Variants in C13orf46 observed in about 807,000 individuals in gnomAD.
C13orf46 encodes the protein uncharacterized protein C13orf46.
At position 113,965,845 on chromosome 13, in the gene C13orf46, ATGG is replaced by A. The variant is rs1349712387; in HGVS notation, c.505-854_505-852del. Among the ~76,000 whole-genome samples the A allele has an allele frequency of 6.2e-4, 76 of 122,154 alleles. 1 individual carries two copies. The highest frequency in any genetic ancestry group is 8.0e-4 in the Non-Finnish European group (45 of 56,394). The allele number at this position is 122,154 out of a possible 152,430, so 80.1% of individuals were successfully genotyped here. A position where few individuals can be genotyped will look rare whatever the true frequency, so the allele number is the denominator to read the frequency against. Reference sequence around the variant, plus strand: ...GATGGTGATAATGGTGATGGTGATGATGGTGATGGTGGTGATGATGGTGATGGT... The same window carrying A: ...GATGGTGATAATGGTGATGGTGATGATGATGGTGGTGATGATGGTGATGGT... On this transcript the variant is annotated intron_variant, in intron 5 of 6. Transcript: ENST00000636427.
chr13:113,946,428 GCACACAGGAATGCCAGC>G, the C13orf46 span, among the ~76,000 whole-genome samples: 1 of 152,216 alleles, frequency 6.6e-6, no homozygotes, highest in Non-Finnish European at 1.5e-5. Flanking sequence ...TCTGCACGCG[GCACACAGGAATGCCAGC>G]CACACACACA....
chr13:113,947,666 C>T, the C13orf46 span, among the ~76,000 whole-genome samples: 1,021 of 152,286 alleles, frequency 6.7e-3, 11 homozygotes, highest in African/African-American at 0.023. Flanking sequence ...TCTGCGGCCC[C>T]GGGTGTCCAT....
chr13:113,944,487 C>T, the C13orf46 span, among the ~76,000 whole-genome samples: 575 of 152,312 alleles, frequency 3.8e-3, 3 homozygotes, highest in Non-Finnish European at 6.2e-3. Context: ...GTTCCCCTTG[C>T]GGCCCTGTAG....
At chr13:113,973,281 G>A (rs10870598) in intron 1 of C13orf46, among the ~76,000 whole-genome samples, 45,623 of 152,100 alleles carry the variant, frequency 0.3, 7,716 homozygotes, top group East Asian at 0.45. Flanking sequence ...GGGAATGCAC[G>A]TGGACAGCTG....
chr13:113,948,808 G>A (rs2052479119), downstream of C13orf46, among the ~76,000 whole-genome samples: 1 of 152,356 alleles, frequency 6.6e-6, no homozygotes, highest in South Asian at 2.1e-4. Context: ...GATTTGTATT[G>A]TGGTATAATA....
At chr13:113,969,900 C>T (rs1474943503) in intron 2 of C13orf46, among the ~76,000 whole-genome samples, 1 of 152,266 alleles carries the variant, frequency 6.6e-6, no homozygotes, top group African/African-American at 2.4e-5. Context: ...AGCTGTGTGA[C>T]CCTCAGGCCA....
intron 6 of C13orf46, among the ~76,000 whole-genome samples, chr13:113,957,283 C>T (rs1229516319): frequency 7.4e-6 from 1 of 135,254 alleles, no homozygotes; most frequent in Non-Finnish European, 1.5e-5. Flanking sequence ...ATCAAGCACA[C>T]TGGGGGGTCT....
At chr13:113,945,540 A>G in the C13orf46 span, among the ~76,000 whole-genome samples, 1 of 44,296 alleles carries the variant, frequency 2.3e-5, no homozygotes, top group Non-Finnish European at 5.5e-5. Flanking sequence ...CGAGAATCTG[A>G]GAAAGAAAGA....
At chr13:113,949,034 C>G (rs2052479657), downstream of C13orf46, among the ~76,000 whole-genome samples, 1 of 152,214 alleles carries the variant, frequency 6.6e-6, no homozygotes, top group Non-Finnish European at 1.5e-5. Flanking sequence ...TCCAGCCCCC[C>G]TCACCGCCCC....
At chr13:113,933,720 C>T in the C13orf46 span, among the ~76,000 whole-genome samples, 1 of 152,096 alleles carries the variant, frequency 6.6e-6, no homozygotes, top group African/African-American at 2.4e-5. Flanking sequence ...TTTCTAAGTC[C>T]TCAGTAATTT....
intron 6 of C13orf46, among the ~76,000 whole-genome samples, chr13:113,962,913 G>A (rs1445815416): frequency 1.3e-5 from 2 of 152,218 alleles, no homozygotes; most frequent in Admixed American, 1.3e-4. Context: ...GTGAAAGCTG[G>A]TGTGACCTGG....
downstream of C13orf46, among the ~76,000 whole-genome samples, chr13:113,951,514 C>T (rs1361380946): frequency 4.6e-5 from 7 of 152,204 alleles, no homozygotes; most frequent in South Asian, 4.1e-4. Context: ...GGGGAGATCC[C>T]GGCCGGGTTT....
intron 5 of C13orf46, among the ~76,000 whole-genome samples, chr13:113,966,540 A>C (rs2052650900): frequency 1.4e-5 from 2 of 142,778 alleles, no homozygotes; most frequent in Non-Finnish European, 3.1e-5. Context: ...TGATGGTAAT[A>C]ATGGTGATGG....
downstream of C13orf46, among the ~76,000 whole-genome samples, chr13:113,950,103 C>A (rs1257137261): frequency 4.7e-5 from 4 of 85,966 alleles, no homozygotes; most frequent in Non-Finnish European, 7.6e-5. Context: ...GGGGTCATCA[C>A]CCCCTGCCTC....
chr13:113,946,796 C>T, the C13orf46 span, among the ~76,000 whole-genome samples: 3 of 152,246 alleles, frequency 2.0e-5, no homozygotes, highest in Admixed American at 6.5e-5. Flanking sequence ...GCTCGCTGGC[C>T]GAGGAGGAAA....
the C13orf46 span, among the ~76,000 whole-genome samples, chr13:113,942,005 G>A: frequency 6.6e-6 from 1 of 152,216 alleles, no homozygotes; most frequent in Non-Finnish European, 1.5e-5. Context: ...CCCAGAGCCG[G>A]AGGCTCACCC....
At chr13:113,966,395 TTAA>T (rs1380669644) in intron 5 of C13orf46, among the ~76,000 whole-genome samples, 112 of 148,192 alleles carry the variant, frequency 7.6e-4, no homozygotes, top group Middle Eastern at 7.4e-3. Flanking sequence ...GGTGATGGTA[TTAA>T]TGATGGTGAT....
chr13:113,938,490 G>A, the C13orf46 span, among the ~76,000 whole-genome samples: 610 of 152,156 alleles, frequency 4.0e-3, 10 homozygotes, highest in East Asian at 0.048. Flanking sequence ...TCTTTGACCC[G>A]CCCACCTGCC....
At chr13:113,933,583 A>G in the C13orf46 span, among the ~76,000 whole-genome samples, 16 of 152,184 alleles carry the variant, frequency 1.1e-4, no homozygotes, top group Non-Finnish European at 2.1e-4. Context: ...CTGGAGATCA[A>G]TCTGGGGAGA....
Sources: allele counts gnomAD v4.1 joint callset (sites outside exome capture counted in the v4.1 genomes callset), GRCh38; gene constraint gnomAD v4.1.1; transcripts MANE v1.5; gene names NCBI Gene and HGNC (gene_info 2026-07-23, HGNC 2026-07-21).